The following GALK2 variants were observed in gnomAD, a reference collection of about 807,000 sequenced individuals.
GALK2 encodes N-acetylgalactosamine kinase.
GALK2 carries 36 observed loss-of-function variants against 52.4 expected under a neutral mutation model. The observed-to-expected ratio is 0.69, with a 90% CI of 0.53 to 0.91. The LOEUF (loss-of-function observed/expected upper bound fraction) is 0.91. GALK2 is among the 40% of genes least tolerant of loss of function. GALK2 has a pLI of 0.00. For synonymous variants in GALK2, 176 were observed against 199.1 expected, an observed-to-expected ratio of 0.88 and a Z score of 0.98; for missense variants, 579 against 559.1, an observed-to-expected ratio of 1.04 and a Z score of -0.36.
At chr15:49,213,512 C>G (rs1029846630) in intron 2 of GALK2, among the ~76,000 whole-genome samples, 1 of 152,098 alleles carries the variant, frequency 6.6e-6, no homozygotes, top group African/African-American at 2.4e-5. Context: ...CCTCCCCTTC[C>G]CCTCCACCCC....
At position 49,178,529 on chromosome 15, in the gene GALK2, C is replaced by T. The variant is rs535010268; in HGVS notation, c.53+8154C>T. The T allele has an allele frequency of 5.9e-5, 16 of 273,180 alleles. 1 individual carries two copies. Among genetic ancestry groups the T allele is most frequent in the South Asian group, 3.3e-4 (7 of 21,222 alleles). 16.9% of individuals were successfully genotyped at this position (273,180 alleles called of 1,614,324 possible). On this transcript the variant is annotated intron_variant, in intron 1 of 9. Coordinates refer to ENST00000560031, the MANE Select transcript of GALK2 (RefSeq NM_002044.4). ...TGCACCCTTAGGAACTGGGCATTTT[C>T]GGCCACCATGGTGCACACGAATCCT...
chr15:49,277,108 G>A (rs1304014209), intron 5 of GALK2, among the ~76,000 whole-genome samples: 174 of 130,060 alleles, frequency 1.3e-3, no homozygotes, highest in African/African-American at 4.7e-3. Flanking sequence ...CGAGTAGGGC[G>A]CCCGCCAACA....
At chr15:49,292,737 A>G (rs1388764558) in intron 8 of GALK2, among the ~76,000 whole-genome samples, 200 bp downstream of exon 8, 1 of 152,184 alleles carries the variant, frequency 6.6e-6, no homozygotes, top group African/African-American at 2.4e-5. Context: ...GCAAGGGTGA[A>G]TGAGACATGA....
At position 49,299,524 on chromosome 15, in the gene GALK2, G is replaced by A. The variant is rs181582433; in HGVS notation, c.967+6987G>A. Among the ~76,000 whole-genome samples, 1,028 of 152,192 alleles carry A rather than the reference G, an allele frequency of 6.8e-3. 5 individuals carry two copies. Among genetic ancestry groups the A allele is most frequent in the Non-Finnish European group, 8.5e-3 (576 of 68,004 alleles). The stretch of plus-strand genomic sequence containing the variant: ...TCTAATGTTTTGATGTAGGTGTTCA[G>A]TGCTATAAATTTCCTCTTAACACTA... On this transcript the variant is annotated intron_variant, in intron 8 of 9. Transcript: ENST00000560031.
At chr15:49,216,605 G>C in intron 2 of GALK2, among the ~76,000 whole-genome samples, 1 of 152,200 alleles carries the variant, frequency 6.6e-6, no homozygotes, top group East Asian at 1.9e-4. Context: ...CTTGTGGCCT[G>C]ACAGCCACTT....
chr15:49,337,878 C>G (rs1265749825), intron 3 of GALK2, among the ~76,000 whole-genome samples: 1 of 152,168 alleles, frequency 6.6e-6, no homozygotes, highest in Non-Finnish European at 1.5e-5. Flanking sequence ...TGTGTATGTG[C>G]CACATTTTCT....
At chr15:49,159,385 G>T (rs1034163549) in intron 1 of GALK2, among the ~76,000 whole-genome samples, 3 of 152,182 alleles carry the variant, frequency 2.0e-5, no homozygotes, top group Admixed American at 6.5e-5. Context: ...AGACCAGCCT[G>T]GCCAGCATGG....
At chr15:49,315,348 G>A (rs944222518) in intron 8 of GALK2, among the ~76,000 whole-genome samples, 1 of 152,160 alleles carries the variant, frequency 6.6e-6, no homozygotes, top group African/African-American at 2.4e-5. Flanking sequence ...TGTAATAATT[G>A]CTCCCAAGGA....
intron 1 of GALK2, among the ~76,000 whole-genome samples, chr15:49,193,347 A>G (rs1239915373): frequency 6.8e-6 from 1 of 146,800 alleles, no homozygotes; most frequent in East Asian, 2.0e-4. Flanking sequence ...TCTTTTTCAC[A>G]TGGTTTTTAA....
chr15:49,226,929 T>C (rs969520723), intron 3 of GALK2, among the ~76,000 whole-genome samples: 1 of 152,208 alleles, frequency 6.6e-6, no homozygotes, highest in African/African-American at 2.4e-5. Flanking sequence ...TTTAATCCAT[T>C]GTATCTAAGA....
chr15:49,247,563 G>A (rs1217661693), intron 5 of GALK2, among the ~76,000 whole-genome samples: 1 of 152,206 alleles, frequency 6.6e-6, no homozygotes, highest in Non-Finnish European at 1.5e-5. Flanking sequence ...CATACAAAGT[G>A]TAAGGTATTT....
At chr15:49,322,044 T>C (rs1203192622) in intron 9 of GALK2, among the ~76,000 whole-genome samples, 2 of 152,260 alleles carry the variant, frequency 1.3e-5, no homozygotes, top group Non-Finnish European at 2.9e-5. Context: ...ATTGGCTTTT[T>C]CTGTTCTAGC....
chr15:49,238,081 G>A (rs2090922297), intron 4 of GALK2, among the ~76,000 whole-genome samples: 1 of 152,084 alleles, frequency 6.6e-6, no homozygotes, highest in South Asian at 2.1e-4. Flanking sequence ...GCAGAATTTT[G>A]TTGTTATTTT....
intron 2 of GALK2, among the ~76,000 whole-genome samples, chr15:49,215,424 AT>A (rs1315789050): frequency 6.6e-6 from 1 of 151,866 alleles, no homozygotes; most frequent in Non-Finnish European, 1.5e-5. Flanking sequence ...TTTTAAAATT[AT>A]TTCTCTTTTC....
intron 5 of GALK2, among the ~76,000 whole-genome samples, chr15:49,253,601 GA>G (rs1206169868): frequency 7.0e-6 from 1 of 143,646 alleles, no homozygotes; most frequent in Non-Finnish European, 1.6e-5. Flanking sequence ...TTAGCACTTG[GA>G]AAGTTTCAAA....
At chr15:49,228,087 G>A (rs1234540144) in intron 3 of GALK2, among the ~76,000 whole-genome samples, 1 of 152,234 alleles carries the variant, frequency 6.6e-6, no homozygotes, top group African/African-American at 2.4e-5. Context: ...GAAATCCACT[G>A]TTGTTTTGGT....
rs757107457 is a variant in GALK2 at position 49,328,006 on chromosome 15, A to G, written c.1224A>G (p.Thr408=). The change falls in exon 10 of 10, where the codon ACA becomes ACG. Residue 408 remains threonine, a synonymous_variant. Transcript: ENST00000560031. ...CTGGAGCAGGATGGGGAGGCTGCAC[A>G]GTATCAATGGTACCTGCGGACAAGC... The part of the protein sequence containing the change: ...RLTGAGWGGC[T]VSMVPADKLP... 8.7e-6 allele frequency: 14 copies of G among 1,613,868 alleles called. No individual in the cohort carries two copies. Among genetic ancestry groups the G allele is most frequent in the Non-Finnish European group, 1.2e-5 (14 of 1,179,862 alleles).
chr15:49,307,488 T>G (rs1039679320), intron 8 of GALK2, among the ~76,000 whole-genome samples: 3 of 152,152 alleles, frequency 2.0e-5, no homozygotes, highest in Non-Finnish European at 2.9e-5. Flanking sequence ...GGTAGTGCAA[T>G]GGTACAGACA....
chr15:49,159,053 A>G (rs1425986395), intron 1 of GALK2: 1 of 152,108 alleles, frequency 6.6e-6, no homozygotes, highest in Non-Finnish European at 1.5e-5. Context: ...TGGTCTTGCA[A>G]TCCTCCCACC....
Sources: gnomAD v4.1 joint callset for allele counts (sites outside exome capture counted in the v4.1 genomes callset) on GRCh38, gnomAD v4.1.1 for gene constraint, MANE v1.5 for transcripts, NCBI Gene and HGNC (gene_info 2026-07-23, HGNC 2026-07-21) for gene names.